Variants in FOXP1 observed in about 807,000 individuals in gnomAD.
FOXP1 encodes forkhead box protein P1.
A neutral mutation model predicts 98.2 loss-of-function variants in FOXP1; 15 were observed. That is an observed-to-expected ratio of 0.15 (90% CI 0.10 to 0.24). The LOEUF is 0.24. Among genes scored for constraint, FOXP1 ranks in the 10% least tolerant of loss-of-function variants. The pLI is 1.00. For synonymous variants in FOXP1, 371 were observed against 314.5 expected (o/e 1.18, Z -1.90); for missense variants, 633 against 848.5 (o/e 0.75, Z 3.15).
In FOXP1 at chr3:71,067,731, T is replaced by TAC. The variant is rs6147878; in HGVS notation, c.283-13960_283-13959dup. Among the ~76,000 whole-genome samples the TAC allele has an allele frequency of 4.8e-3, 612 of 126,602 alleles. 8 individuals carry two copies. Among genetic ancestry groups the TAC allele is most frequent in the South Asian group, 0.033 (118 of 3,580 alleles). 83.1% of individuals were successfully genotyped at this position (126,602 alleles called of 152,430 possible). ...CACAGTGGGACTCCGTCTCCAAAAA[T>TAC]ACACACACACACACACACACACACA... On this transcript the variant is annotated intron_variant, in intron 7 of 20. Coordinates refer to ENST00000649528, the MANE Select transcript of FOXP1 (RefSeq NM_001349338.3).
intron 5 of FOXP1, among the ~76,000 whole-genome samples, chr3:71,278,645 G>A (rs1241103561): frequency 2.6e-5 from 4 of 152,138 alleles, no homozygotes; most frequent in Non-Finnish European, 5.9e-5. Context: ...GCCAGGTATG[G>A]TGGTATGCAC....
intron 7 of FOXP1, 111 bp downstream of exon 7, chr3:71,112,425 A>G: frequency 2.1e-6 from 2 of 930,318 alleles, no homozygotes; most frequent in Non-Finnish European, 3.4e-6. Flanking sequence ...TGCACTTTCC[A>G]CAGAAGATTT....
intron 11 of FOXP1, among the ~76,000 whole-genome samples, chr3:71,032,560 T>C (rs911407431): frequency 1.1e-4 from 17 of 152,208 alleles, no homozygotes; most frequent in African/African-American, 4.1e-4. Flanking sequence ...GGGTATGGAA[T>C]AAAGAACTTC....
chr3:71,100,929 A>T (rs918197097), intron 7 of FOXP1, among the ~76,000 whole-genome samples: 1 of 152,210 alleles, frequency 6.6e-6, no homozygotes, highest in African/African-American at 2.4e-5. Context: ...TCTGAAGAGC[A>T]GAATGACATG....
At chr3:71,265,951 G>C (rs1228144939) in intron 5 of FOXP1, among the ~76,000 whole-genome samples, 1 of 152,172 alleles carries the variant, frequency 6.6e-6, no homozygotes, top group African/African-American at 2.4e-5. Flanking sequence ...AAGTGCAAGA[G>C]GCCATCCCGG....
intron 5 of FOXP1, among the ~76,000 whole-genome samples, chr3:71,268,936 T>A (rs181547902): frequency 5.9e-5 from 9 of 152,258 alleles, no homozygotes; most frequent in Admixed American, 5.2e-4. Context: ...ATTACTTCTT[T>A]TATTACCCAA....
intron 3 of FOXP1, among the ~76,000 whole-genome samples, chr3:71,404,127 T>TTTC (rs2082142982): frequency 2.4e-5 from 3 of 125,096 alleles, no homozygotes; most frequent in Admixed American, 7.8e-5. Flanking sequence ...TTTCTTTTTT[T>TTTC]TTTTTTTTTT....
intron 6 of FOXP1, among the ~76,000 whole-genome samples, chr3:71,158,490 G>A (rs1001238687): frequency 6.6e-6 from 1 of 152,090 alleles, no homozygotes; most frequent in African/African-American, 2.4e-5. Flanking sequence ...ATTTAGGCAG[G>A]GGTGAGCAGG....
At chr3:71,222,762 C>A (rs1215733884) in intron 5 of FOXP1, among the ~76,000 whole-genome samples, 1 of 152,240 alleles carries the variant, frequency 6.6e-6, no homozygotes, top group Non-Finnish European at 1.5e-5. Context: ...TTGCCCTCCA[C>A]ATATACTTCA....
intron 5 of FOXP1, chr3:71,244,854 C>T (rs1029838275): frequency 3.3e-5 from 5 of 151,730 alleles, no homozygotes; most frequent in Non-Finnish European, 7.4e-5. Flanking sequence ...ACATTCTTAC[C>T]TTAATGTTCC....
At chr3:71,332,600 G>A (rs1455229374) in intron 4 of FOXP1, 2 of 152,370 alleles carry the variant, frequency 1.3e-5, no homozygotes, top group Non-Finnish European at 2.9e-5. Flanking sequence ...CAGGCATGGT[G>A]GCACGTGCCT....
chr3:71,253,389 A>C (rs1355615264), intron 5 of FOXP1, among the ~76,000 whole-genome samples: 1 of 125,302 alleles, frequency 8.0e-6, no homozygotes, highest in Non-Finnish European at 1.8e-5. Flanking sequence ...TTTAATATGG[A>C]AATAATAGAC....
At chr3:71,255,564 A>C (rs2068552741) in intron 5 of FOXP1, among the ~76,000 whole-genome samples, 1 of 152,136 alleles carries the variant, frequency 6.6e-6, no homozygotes, top group Non-Finnish European at 1.5e-5. Flanking sequence ...TGAGCTCTTA[A>C]GGCAAGGAAA....
chr3:71,350,328 T>C (rs150638490), intron 4 of FOXP1, among the ~76,000 whole-genome samples: 1 of 152,312 alleles, frequency 6.6e-6, no homozygotes, highest in East Asian at 1.9e-4. Context: ...GTTGATCCTC[T>C]GAGGCATCAT....
At chr3:71,492,277 C>A (rs1056532766) in intron 3 of FOXP1, among the ~76,000 whole-genome samples, 1 of 151,996 alleles carries the variant, frequency 6.6e-6, no homozygotes, top group Non-Finnish European at 1.5e-5. Context: ...TGTGGTGAAA[C>A]CCTGTCTCTC....
intron 13 of FOXP1, among the ~76,000 whole-genome samples, chr3:70,996,845 T>TA (rs1427086393): frequency 7.2e-5 from 11 of 152,216 alleles, no homozygotes; most frequent in African/African-American, 2.7e-4. Context: ...TGTGAACACT[T>TA]ACGTACCATG....
chr3:71,274,948 T>G (rs1054056875), intron 5 of FOXP1, among the ~76,000 whole-genome samples: 37 of 152,202 alleles, frequency 2.4e-4, no homozygotes, highest in Middle Eastern at 3.2e-3. Context: ...TAAATGCATA[T>G]TATACTCATA....
chr3:71,348,526 T>TGTGTGC (rs2077524094), intron 4 of FOXP1, among the ~76,000 whole-genome samples: 1 of 125,922 alleles, frequency 7.9e-6, no homozygotes, highest in South Asian at 2.5e-4. Flanking sequence ...TGTGTGCGTG[T>TGTGTGC]GTGTGTGTGT....
At chr3:70,971,247 T>TAGA in intron 18 of FOXP1, 1 of 237,748 alleles carries the variant, frequency 4.2e-6, no homozygotes, top group Non-Finnish European at 8.4e-6. Context: ...CAGTGACTGC[T>TAGA]AGAGGGATGG....
Sources: allele counts gnomAD v4.1 joint callset (sites outside exome capture counted in the v4.1 genomes callset), GRCh38; gene constraint gnomAD v4.1.1; transcripts MANE v1.5; gene names NCBI Gene and HGNC (gene_info 2026-07-23, HGNC 2026-07-21).